The following LYPLAL1 variants were observed in gnomAD, a reference collection of about 807,000 sequenced individuals.
LYPLAL1 encodes the protein lysophospholipase like 1.
LYPLAL1 carries 23 observed loss-of-function variants against 19.7 expected under a neutral mutation model. That is an observed-to-expected ratio of 1.17 (90% confidence interval 0.84 to 1.65). The LOEUF is 1.65. Among genes scored for constraint, LYPLAL1 ranks in the 40% most tolerant of loss-of-function variants. The pLI is 0.00. For missense variants in LYPLAL1, 355 were observed against 279.4 expected (o/e 1.27, Z -1.93); for synonymous variants, 119 against 96.3 (o/e 1.24, Z -1.38).
Position 219,211,617 on chromosome 1 carries a change from G to A in LYPLAL1, c.603G>A (p.Thr201=), listed in dbSNP as rs746135927. Residue 201 remains threonine, a synonymous_variant, in exon 5 of 5, where the codon ACG becomes ACA. Coordinates refer to ENST00000366928, the MANE Select transcript of LYPLAL1 (RefSeq NM_138794.5). Reference sequence around the variant, plus strand: ...TGTTAAAATCTCTAGGAGTGACCACGAAGTTTCATAGTTTTCCAAATGTTT... The same window carrying A: ...TGTTAAAATCTCTAGGAGTGACCACAAAGTTTCATAGTTTTCCAAATGTTT... The part of the protein sequence containing the change: ...NSMLKSLGVT[T]KFHSFPNVYH... 1.5e-5 allele frequency: 25 copies of A among 1,613,256 alleles called. No individual in the cohort carries two copies. The Admixed American group carries it at 2.0e-4, about 13-fold the overall frequency.
At chr1:219,376,371 A>G in the LYPLAL1 span, among the ~76,000 whole-genome samples, 2 of 152,238 alleles carry the variant, frequency 1.3e-5, no homozygotes, top group African/African-American at 2.4e-5. Context: ...AGCAAAAATT[A>G]TAAAACCCTT....
the LYPLAL1 span, among the ~76,000 whole-genome samples, chr1:219,386,031 A>C: frequency 6.6e-6 from 1 of 152,166 alleles, no homozygotes; most frequent in African/African-American, 2.4e-5. Context: ...GGGGGACTCC[A>C]AGCATGCAAT....
chr1:219,369,526 C>T, the LYPLAL1 span, among the ~76,000 whole-genome samples: 6 of 152,210 alleles, frequency 3.9e-5, no homozygotes, highest in African/African-American at 7.2e-5. Flanking sequence ...CCTGCCTTAG[C>T]GTCCCAGAGT....
intron 3 of LYPLAL1, among the ~76,000 whole-genome samples, chr1:219,205,169 AAC>A (rs1263489054): frequency 2.6e-5 from 4 of 151,818 alleles, no homozygotes; most frequent in Non-Finnish European, 5.9e-5. Flanking sequence ...CATCCTGGCT[AAC>A]AAGGTGAAAC....
At chr1:219,273,647 T>C in the LYPLAL1 span, among the ~76,000 whole-genome samples, 1 of 152,216 alleles carries the variant, frequency 6.6e-6, no homozygotes, top group African/African-American at 2.4e-5. Context: ...TGTTCCAACG[T>C]ACTGTTCCTT....
the LYPLAL1 span, among the ~76,000 whole-genome samples, chr1:219,300,834 C>T: frequency 1.3e-5 from 2 of 152,074 alleles, no homozygotes; most frequent in Non-Finnish European, 2.9e-5. Flanking sequence ...CGTGCCCGGC[C>T]TATCCTAACA....
chr1:219,218,638 A>G, the LYPLAL1 span, among the ~76,000 whole-genome samples: 1 of 152,108 alleles, frequency 6.6e-6, no homozygotes, highest in Non-Finnish European at 1.5e-5. Flanking sequence ...AAGAAAATTC[A>G]GACTATATGA....
chr1:219,363,493 G>A, the LYPLAL1 span, among the ~76,000 whole-genome samples: 2 of 152,098 alleles, frequency 1.3e-5, no homozygotes, highest in Non-Finnish European at 2.9e-5. Flanking sequence ...ATTAAAAACA[G>A]AAAATTATCT....
the LYPLAL1 span, among the ~76,000 whole-genome samples, chr1:219,419,548 AACACACACAC>A: frequency 9.2e-4 from 90 of 97,852 alleles, no homozygotes; most frequent in African/African-American, 2.6e-3. Context: ...GCCCTAGCCC[AACACACACAC>A]ACACACACAC....
At chr1:219,177,616 AGACCTT>A in intron 1 of LYPLAL1, among the ~76,000 whole-genome samples, 1 of 152,294 alleles carries the variant, frequency 6.6e-6, no homozygotes, top group Non-Finnish European at 1.5e-5. Flanking sequence ...GTCATCCATG[AGACCTT>A]TTACTGTTGA....
the LYPLAL1 span, among the ~76,000 whole-genome samples, chr1:219,262,945 T>C: frequency 2.0e-5 from 3 of 152,144 alleles, no homozygotes; most frequent in African/African-American, 7.2e-5. Context: ...ATTGCTGTAA[T>C]GGTTTGAGTT....
At chr1:219,313,851 G>A in the LYPLAL1 span, among the ~76,000 whole-genome samples, 275 of 152,154 alleles carry the variant, frequency 1.8e-3, no homozygotes, top group African/African-American at 6.2e-3. Flanking sequence ...TTTTATTTTA[G>A]GTTCATGTGC....
the LYPLAL1 span, among the ~76,000 whole-genome samples, chr1:219,419,594 C>CAGAGAGAGAGAGAGAGAGAGAGAGAG: frequency 7.0e-5 from 7 of 99,602 alleles, no homozygotes; most frequent in African/African-American, 2.8e-4. Context: ...CACACACACA[C>CAGAGAGAGAGAGAGAGAGAGAGAGAG]AGAGAGAGAG....
chr1:219,346,423 T>C, the LYPLAL1 span, among the ~76,000 whole-genome samples: 397 of 150,484 alleles, frequency 2.6e-3, 1 homozygote, highest in African/African-American at 9.3e-3. Context: ...AAGACAAACA[T>C]AAGTTTCAAC....
At chr1:219,408,769 G>A in the LYPLAL1 span, among the ~76,000 whole-genome samples, 2 of 152,236 alleles carry the variant, frequency 1.3e-5, no homozygotes, top group African/African-American at 4.8e-5. Context: ...GAAGAAAAAT[G>A]TGTGGACAAA....
chr1:219,389,313 C>T, the LYPLAL1 span, among the ~76,000 whole-genome samples: 3 of 152,046 alleles, frequency 2.0e-5, no homozygotes, highest in East Asian at 5.8e-4. Flanking sequence ...TTTGCTGAAG[C>T]AAACACAAGA....
intron 2 of LYPLAL1, among the ~76,000 whole-genome samples, chr1:219,185,119 G>T (rs1656622483): frequency 6.6e-6 from 1 of 151,408 alleles, no homozygotes; most frequent in Admixed American, 6.6e-5. Flanking sequence ...TTATTTTTAG[G>T]CCAGTTTTGA....
the LYPLAL1 span, among the ~76,000 whole-genome samples, chr1:219,335,964 A>C: frequency 1.3e-5 from 2 of 151,366 alleles, no homozygotes; most frequent in Non-Finnish European, 1.5e-5. Flanking sequence ...GTGATGCCTG[A>C]TTATCACATT....
At chr1:219,320,901 A>T in the LYPLAL1 span, among the ~76,000 whole-genome samples, 1 of 152,248 alleles carries the variant, frequency 6.6e-6, no homozygotes, top group South Asian at 2.1e-4. Context: ...CAATAAACAT[A>T]CGTGTGCATG....
Sources: allele counts gnomAD v4.1 joint callset (sites outside exome capture counted in the v4.1 genomes callset), GRCh38; gene constraint gnomAD v4.1.1; transcripts MANE v1.5; gene names NCBI Gene and HGNC (gene_info 2026-07-23, HGNC 2026-07-21).